The following SRGAP1 variants were observed in gnomAD, a reference collection of about 807,000 sequenced individuals.
SRGAP1 encodes the protein SLIT-ROBO Rho GTPase-activating protein 1.
SRGAP1 carries 43 observed loss-of-function variants against 121.9 expected under a neutral mutation model. The observed-to-expected ratio is 0.35, with a 90% confidence interval of 0.28 to 0.46. The LOEUF (loss-of-function observed/expected upper bound fraction) is 0.46, where lower values mean the gene tolerates loss of function less well. Among genes scored for constraint, SRGAP1 ranks in the 20% least tolerant of loss-of-function variants. The pLI is 1.00. For missense variants in SRGAP1, 1,102 were observed against 1,350.9 expected (o/e 0.82, Z 2.89); for synonymous variants, 447 against 485.4 (o/e 0.92, Z 1.04).
rs908393739 is a variant in SRGAP1 at position 64,151,602 on chromosome 12, A to G, written c.*8930A>G. 1 of 152,200 alleles carries G rather than the reference A, an allele frequency of 6.6e-6. No homozygotes were observed. The highest frequency in any genetic ancestry group is 2.4e-5 in the African/African-American group (1 of 41,450). 9.4% of individuals were successfully genotyped at this position (152,200 alleles called of 1,614,324 possible). On this transcript the variant is annotated 3_prime_UTR_variant, in exon 22 of 22. Coordinates refer to ENST00000355086, the MANE Select transcript of SRGAP1 (RefSeq NM_020762.4). The stretch of plus-strand genomic sequence containing the variant: ...TTTTCCAGCAAAGTTGTACAAATTT[A>G]CATCCCTGCCAGTAATGCATAACAG...
intron 21 of SRGAP1, among the ~76,000 whole-genome samples, chr12:64,140,350 G>A (rs1202464758): frequency 2.8e-5 from 4 of 144,744 alleles, no homozygotes; most frequent in Non-Finnish European, 4.5e-5. Context: ...CCATTTTCAC[G>A]ATATTGATTC....
chr12:63,934,875 A>G (rs982375496), intron 1 of SRGAP1, among the ~76,000 whole-genome samples: 2 of 152,044 alleles, frequency 1.3e-5, no homozygotes, highest in African/African-American at 4.8e-5. Context: ...TTTTTTTCCC[A>G]GTAACTATTT....
chr12:63,900,982 T>C (rs1310231423), intron 1 of SRGAP1, among the ~76,000 whole-genome samples: 1 of 151,806 alleles, frequency 6.6e-6, no homozygotes, highest in Non-Finnish European at 1.5e-5. Context: ...TCAACCACAC[T>C]TGTGCACCTA....
intron 1 of SRGAP1, among the ~76,000 whole-genome samples, chr12:63,959,875 G>T (rs2032587118): frequency 6.6e-6 from 1 of 152,196 alleles, no homozygotes; most frequent in Non-Finnish European, 1.5e-5. Context: ...CCAGGTGTGT[G>T]AGATGTCAAA....
rs1036280346 is a variant in SRGAP1 at position 64,150,960 on chromosome 12, A to C, written c.*8288A>C. 15 of 147,108 alleles carry C rather than the reference A, an allele frequency of 1.0e-4. No homozygotes were observed. Among genetic ancestry groups the C allele is most frequent in the Admixed American group, 3.4e-4 (5 of 14,834 alleles). 9.1% of individuals were successfully genotyped at this position (147,108 alleles called of 1,614,324 possible). Reference sequence around the variant, plus strand: ...AAAAAAAAAAAAAAAAAAAAAAAAAACATGGTCAAGATTTGTAATAGAAAT... The same window carrying C: ...AAAAAAAAAAAAAAAAAAAAAAAAACCATGGTCAAGATTTGTAATAGAAAT... On this transcript the variant is annotated 3_prime_UTR_variant, in exon 22 of 22. Transcript: ENST00000355086.
chr12:64,082,001 C>CTTTTTTTTATTTTT (rs2035853383), intron 10 of SRGAP1: 1 of 66,124 alleles, frequency 1.5e-5, no homozygotes, highest in Non-Finnish European at 2.5e-5. Flanking sequence ...CATGTAAGGT[C>CTTTTTTTTATTTTT]TTTTTTTTTT....
intron 6 of SRGAP1, among the ~76,000 whole-genome samples, chr12:64,061,304 C>T (rs1442462451): frequency 1.3e-5 from 2 of 152,134 alleles, no homozygotes; most frequent in Non-Finnish European, 2.9e-5. Context: ...AGAGGGAAGG[C>T]ATTCCTAGAC....
intron 21 of SRGAP1, among the ~76,000 whole-genome samples, chr12:64,140,283 T>G (rs1315277695): frequency 1.4e-5 from 2 of 147,480 alleles, no homozygotes; most frequent in African/African-American, 5.2e-5. Flanking sequence ...GTGAAGAAAG[T>G]CATTGGTAGC....
At chr12:63,900,624 G>A (rs1437344236) in intron 1 of SRGAP1, among the ~76,000 whole-genome samples, 1 of 151,912 alleles carries the variant, frequency 6.6e-6, no homozygotes, top group African/African-American at 2.4e-5. Context: ...ACCAGCCTGG[G>A]CAACATGGCA....
chr12:64,019,947 C>T (rs2034502590), intron 4 of SRGAP1, among the ~76,000 whole-genome samples: 1 of 152,194 alleles, frequency 6.6e-6, no homozygotes, highest in Non-Finnish European at 1.5e-5. Context: ...ATATTCACTC[C>T]TCACTTGCTC....
intron 1 of SRGAP1, among the ~76,000 whole-genome samples, chr12:63,919,136 T>C (rs1398255943): frequency 6.6e-6 from 1 of 152,108 alleles, no homozygotes; most frequent in Admixed American, 6.6e-5. Context: ...CACTGCAACC[T>C]CCGCCTCACG....
rs571603234 is a variant in SRGAP1 at position 64,087,457 on chromosome 12, G to A, written c.1436+431G>A. Reference sequence around the variant, plus strand: ...AGTCATATAAACATTAGAGCTGGCCGGGTGCAGTGGCTCAGCCTGTAATCC... The same window carrying A: ...AGTCATATAAACATTAGAGCTGGCCAGGTGCAGTGGCTCAGCCTGTAATCC... On this transcript the variant is annotated intron_variant, in intron 11 of 21. Coordinates refer to ENST00000355086, the MANE Select transcript of SRGAP1 (RefSeq NM_020762.4). 3.9e-5 allele frequency among the ~76,000 whole-genome samples: 6 copies of A among 152,280 alleles called. No homozygotes were observed. In the East Asian group the frequency reaches 7.7e-4, roughly 20 times the overall value.
chr12:63,915,512 G>A (rs1283470522), intron 1 of SRGAP1, among the ~76,000 whole-genome samples: 3 of 152,156 alleles, frequency 2.0e-5, no homozygotes, highest in Non-Finnish European at 4.4e-5. Flanking sequence ...AATAAAATAT[G>A]TGTGAGGGGA....
intron 21 of SRGAP1, among the ~76,000 whole-genome samples, chr12:64,136,082 C>T (rs1432760229): frequency 2.6e-5 from 4 of 152,198 alleles, no homozygotes; most frequent in East Asian, 1.9e-4. Context: ...AGATGGTGCC[C>T]ATCCAGATTA....
intron 1 of SRGAP1, among the ~76,000 whole-genome samples, chr12:63,905,008 C>A (rs1041724329): frequency 1.4e-4 from 22 of 152,166 alleles, no homozygotes; most frequent in Admixed American, 1.4e-3. Flanking sequence ...TACCCTCCCC[C>A]AAAGGCAAAT....
chr12:63,999,083 A>C (rs2033801121), intron 3 of SRGAP1, among the ~76,000 whole-genome samples: 1 of 152,126 alleles, frequency 6.6e-6, no homozygotes, highest in South Asian at 2.1e-4. Context: ...AATTTGAATC[A>C]GTTATTAAGA....
At chr12:64,026,630 G>A (rs1367015212) in intron 4 of SRGAP1, among the ~76,000 whole-genome samples, 1 of 152,098 alleles carries the variant, frequency 6.6e-6, no homozygotes, top group Non-Finnish European at 1.5e-5. Flanking sequence ...ACTTTTGGAG[G>A]CCGAGGCAGG....
chr12:64,012,403 A>G (rs1025737693), intron 3 of SRGAP1, among the ~76,000 whole-genome samples: 3 of 152,052 alleles, frequency 2.0e-5, no homozygotes, highest in Non-Finnish European at 4.4e-5. Context: ...TTATTTGAAT[A>G]TATTATTGGG....
chr12:64,055,038 A>G (rs1461903278), intron 6 of SRGAP1, among the ~76,000 whole-genome samples: 1 of 151,570 alleles, frequency 6.6e-6, no homozygotes, highest in African/African-American at 2.4e-5. Context: ...AAGGGTATTC[A>G]ATTAGGAAAA....
Sources: gnomAD v4.1 joint callset for allele counts (sites outside exome capture counted in the v4.1 genomes callset) on GRCh38, gnomAD v4.1.1 for gene constraint, MANE v1.5 for transcripts, NCBI Gene and HGNC (gene_info 2026-07-23, HGNC 2026-07-21) for gene names.